ST6GALNAC3: variants seen among roughly 807,000 people sequenced by gnomAD.
ST6GALNAC3 encodes the protein alpha-N-acetylgalactosaminide alpha-2,6-sialyltransferase 3.
Under a neutral mutation model 32.7 loss-of-function variants are expected in ST6GALNAC3, and 25 were observed. The ratio of observed to expected loss-of-function variants is 0.76; its 90% CI spans 0.56 to 1.07. The LOEUF (loss-of-function observed/expected upper bound fraction) is 1.07, where lower values mean the gene tolerates loss of function less well. Ranked by LOEUF, ST6GALNAC3 falls within the 50% of genes least tolerant of loss-of-function variation. The pLI, the probability that ST6GALNAC3 is intolerant of heterozygous loss-of-function variation, is 0.00. For missense variants in ST6GALNAC3, 355 were observed against 382.4 expected (o/e 0.93, Z 0.60); for synonymous variants, 129 against 133.1 (o/e 0.97, Z 0.21).
chr1:76,303,672 T>A (rs961559047), intron 1 of ST6GALNAC3, among the ~76,000 whole-genome samples: 1 of 152,100 alleles, frequency 6.6e-6, no homozygotes, highest in African/African-American at 2.4e-5. Flanking sequence ...TTCCATGATA[T>A]AGGATTCTAG....
At chr1:76,095,388 C>T (rs1647113225) in intron 1 of ST6GALNAC3, among the ~76,000 whole-genome samples, 1 of 152,138 alleles carries the variant, frequency 6.6e-6, no homozygotes, top group African/African-American at 2.4e-5. Context: ...TGTATTATAG[C>T]ATTTCAAACC....
In ST6GALNAC3 at chr1:76,089,341, G is replaced by A. The variant is rs142820224; in HGVS notation, c.18+14457G>A. On this transcript the variant is annotated intron_variant, in intron 1 of 4. Coordinates refer to ENST00000328299, the MANE Select transcript of ST6GALNAC3 (RefSeq NM_152996.4). ...GCTGGGATTACAGGCATAAGCCACCGCACCCGGCCACACTGAAGGATTTTT... is the reference window on the plus strand; with the variant it reads ...GCTGGGATTACAGGCATAAGCCACCACACCCGGCCACACTGAAGGATTTTT... Among the ~76,000 whole-genome samples, 250 of 152,214 alleles carry A rather than the reference G, an allele frequency of 1.6e-3. 1 individual carries two copies. In the Middle Eastern group the frequency reaches 0.017, roughly 10 times the overall value.
chr1:76,361,614 A>G (rs762315564), intron 2 of ST6GALNAC3, among the ~76,000 whole-genome samples: 1 of 152,202 alleles, frequency 6.6e-6, no homozygotes, highest in Non-Finnish European at 1.5e-5. Context: ...GAATATTTTT[A>G]TACACTTGAA....
At chr1:76,379,291 T>A (rs1391453910) in intron 2 of ST6GALNAC3, among the ~76,000 whole-genome samples, 2 of 152,198 alleles carry the variant, frequency 1.3e-5, no homozygotes, top group Admixed American at 1.3e-4. Context: ...ATATATTTTC[T>A]TTTCAAGCCT....
chr1:76,399,898 A>G (rs1165013471), intron 2 of ST6GALNAC3, among the ~76,000 whole-genome samples: 4 of 152,126 alleles, frequency 2.6e-5, no homozygotes, highest in Non-Finnish European at 5.9e-5. Context: ...ACATATTTGG[A>G]TTCTGATTTG....
intron 3 of ST6GALNAC3, among the ~76,000 whole-genome samples, chr1:76,563,916 G>A (rs999010818): frequency 2.0e-5 from 3 of 152,150 alleles, no homozygotes; most frequent in African/African-American, 7.2e-5. Flanking sequence ...GTAGAGATTA[G>A]TTATCATTTC....
chr1:76,291,304 G>T (rs764788961), intron 1 of ST6GALNAC3, among the ~76,000 whole-genome samples: 119 of 152,218 alleles, frequency 7.8e-4, no homozygotes, highest in Non-Finnish European at 1.2e-3. Flanking sequence ...CTGCAGGCAG[G>T]GTGCCCACCT....
chr1:76,511,240 G>A (rs1379577304), intron 3 of ST6GALNAC3, among the ~76,000 whole-genome samples: 1 of 152,178 alleles, frequency 6.6e-6, no homozygotes, highest in Non-Finnish European at 1.5e-5. Context: ...TCAGAAGAGA[G>A]CTGACATCCT....
chr1:76,238,399 A>G (rs1280706656), intron 1 of ST6GALNAC3, among the ~76,000 whole-genome samples: 2 of 152,230 alleles, frequency 1.3e-5, no homozygotes, highest in African/African-American at 4.8e-5. Context: ...TTTAGCCAGG[A>G]GATGCCAAAT....
intron 1 of ST6GALNAC3, among the ~76,000 whole-genome samples, chr1:76,141,576 T>C (rs1182561751): frequency 6.6e-6 from 1 of 152,194 alleles, no homozygotes; most frequent in Non-Finnish European, 1.5e-5. Flanking sequence ...GCCTTTTCTA[T>C]AGATCATCAA....
chr1:76,216,917 C>T lies in ST6GALNAC3; in HGVS notation c.19-96888C>T, dbSNP rs186737393. 1.9e-4 allele frequency among the ~76,000 whole-genome samples: 29 copies of T among 152,040 alleles called. No individual in the cohort carries two copies. In the East Asian group the frequency reaches 2.1e-3, roughly 11 times the overall value. ...TGCTACATAAATTACAAATCTTGTT[C>T]GGAAAAAAAATACTCACATCATCCC... On this transcript the variant is annotated intron_variant, in intron 1 of 4. Transcript: ENST00000328299.
intron 3 of ST6GALNAC3, among the ~76,000 whole-genome samples, chr1:76,489,317 C>G (rs1259768058): frequency 6.6e-6 from 1 of 151,866 alleles, no homozygotes; most frequent in African/African-American, 2.4e-5. Context: ...TTATGTTCCT[C>G]ATTTATTCAA....
At chr1:76,195,563 A>G (rs183041731) in intron 1 of ST6GALNAC3, among the ~76,000 whole-genome samples, 114 of 152,372 alleles carry the variant, frequency 7.5e-4, no homozygotes, top group Admixed American at 5.6e-3. Context: ...ACACATGGCT[A>G]CTAGCACAGT....
chr1:76,469,800 T>A (rs1658896721), intron 3 of ST6GALNAC3, among the ~76,000 whole-genome samples: 2 of 152,144 alleles, frequency 1.3e-5, no homozygotes, highest in South Asian at 4.1e-4. Context: ...GCTTTAAATG[T>A]TCTGATGGAT....
Position 76,295,269 on chromosome 1 carries a change from G to T in ST6GALNAC3, c.19-18536G>T, listed in dbSNP as rs192743236. On this transcript the variant is annotated intron_variant, in intron 1 of 4. Coordinates refer to ENST00000328299, the MANE Select transcript of ST6GALNAC3 (RefSeq NM_152996.4). ...TTTTTCAAACTAAAGAGACCCAAAG[G>T]TTGTATTTTAAGGTGTTACTAGCAT... is the stretch of plus-strand genomic sequence containing the variant. Among the ~76,000 whole-genome samples, 244 of 152,156 alleles carry T rather than the reference G, an allele frequency of 1.6e-3. 1 individual carries two copies. The Middle Eastern group carries it at 0.02, about 13-fold the overall frequency.
chr1:76,192,494 C>T (rs1286887148), intron 1 of ST6GALNAC3, among the ~76,000 whole-genome samples: 1 of 152,152 alleles, frequency 6.6e-6, no homozygotes, highest in Non-Finnish European at 1.5e-5. Context: ...AGGCACGCTT[C>T]AATATTTTAT....
intron 1 of ST6GALNAC3, among the ~76,000 whole-genome samples, chr1:76,114,300 A>C (rs568740996): frequency 5.3e-4 from 80 of 152,288 alleles, no homozygotes; most frequent in African/African-American, 1.9e-3. Flanking sequence ...TTTTCATAGC[A>C]TCCTATCCTG....
chr1:76,390,946 A>ATTTTTTTTTTTT (rs58114434), intron 2 of ST6GALNAC3, among the ~76,000 whole-genome samples: 2 of 121,072 alleles, frequency 1.7e-5, no homozygotes, highest in East Asian at 4.6e-4. Context: ...ATATATATGT[A>ATTTTTTTTTTTT]TTTTTTTTTT....
intron 2 of ST6GALNAC3, among the ~76,000 whole-genome samples, chr1:76,383,035 C>A (rs529946860): frequency 1.2e-4 from 19 of 152,112 alleles, no homozygotes; most frequent in South Asian, 8.3e-4. Flanking sequence ...ACAAAAAAAA[C>A]CAATCTTCAA....
Sources: gnomAD v4.1 joint callset for allele counts (sites outside exome capture counted in the v4.1 genomes callset) on GRCh38, gnomAD v4.1.1 for gene constraint, MANE v1.5 for transcripts, NCBI Gene and HGNC (gene_info 2026-07-23, HGNC 2026-07-21) for gene names.